The following CDH1 variants were observed in gnomAD, a reference collection of about 807,000 sequenced individuals.
The protein encoded by CDH1 is cadherin-1.
CDH1 carries 35 observed loss-of-function variants against 84.5 expected under a neutral mutation model. The observed-to-expected ratio is 0.41, with a 90% CI of 0.32 to 0.55. The LOEUF (loss-of-function observed/expected upper bound fraction) is 0.55, where lower values mean the gene tolerates loss of function less well. CDH1 is among the 20% of genes least tolerant of loss of function. The pLI is 0.19. For synonymous variants in CDH1, 417 were observed against 439.0 expected (o/e 0.95, Z 0.63); for missense variants, 994 against 1,126.6 (o/e 0.88, Z 1.68).
At chr16:68,819,064 C>G (rs749579032) in intron 10 of CDH1, among the ~76,000 whole-genome samples, 25 of 152,056 alleles carry the variant, frequency 1.6e-4, no homozygotes, top group Non-Finnish European at 2.5e-4. Flanking sequence ...CCATGTTGAC[C>G]AGGCTGGTCT....
intron 12 of CDH1, chr16:68,822,589 C>A: frequency 2.1e-6 from 1 of 485,524 alleles, no homozygotes; most frequent in Non-Finnish European, 4.0e-6. Context: ...CAATCGTGAG[C>A]TCCCAGATTC....
At chr16:68,829,003 G>A (rs776058428) in intron 14 of CDH1, among the ~76,000 whole-genome samples, 3 of 152,246 alleles carry the variant, frequency 2.0e-5, no homozygotes, top group East Asian at 1.9e-4. Context: ...GGGATACCAC[G>A]TATATTGTAT....
chr16:68,745,339 T>A (rs1358074318), intron 2 of CDH1, among the ~76,000 whole-genome samples: 1 of 150,774 alleles, frequency 6.6e-6, no homozygotes, highest in Non-Finnish European at 1.5e-5. Flanking sequence ...AAAAAAAATT[T>A]AGCCAGGTAT....
intron 2 of CDH1, among the ~76,000 whole-genome samples, chr16:68,745,619 A>ATGTGTG (rs1962718029): frequency 1.4e-5 from 2 of 143,484 alleles, no homozygotes; most frequent in Non-Finnish European, 3.0e-5. Context: ...GTATATATAT[A>ATGTGTG]TATATATGTA....
intron 12 of CDH1, chr16:68,822,620 G>A (rs1961188617): frequency 4.6e-6 from 2 of 434,626 alleles, no homozygotes; most frequent in Non-Finnish European, 8.8e-6. Context: ...TTCTACCGAG[G>A]TGGAGGCAGC....
At chr16:68,739,634 G>A (rs1323282307) in intron 2 of CDH1, among the ~76,000 whole-genome samples, 1 of 89,074 alleles carries the variant, frequency 1.1e-5, no homozygotes, top group Non-Finnish European at 2.1e-5. Flanking sequence ...TTTTTTTTGA[G>A]ATGGAGTTTT....
At chr16:68,797,541 A>G (rs568584934) in intron 2 of CDH1, among the ~76,000 whole-genome samples, 2 of 152,192 alleles carry the variant, frequency 1.3e-5, no homozygotes, top group East Asian at 3.9e-4. Context: ...TTAGCCAGGC[A>G]TGGTGGCATG....
intron 2 of CDH1, among the ~76,000 whole-genome samples, chr16:68,757,647 G>T (rs969446655): frequency 2.0e-5 from 3 of 152,148 alleles, no homozygotes; most frequent in African/African-American, 7.2e-5. Context: ...TGAACTGGGA[G>T]GGTGGAATGC....
In CDH1 at chr16:68,815,640, A is replaced by T. The variant is rs863224724; in HGVS notation, c.1446A>T (p.Glu482Asp). The stretch of plus-strand genomic sequence containing the variant: ...CCGTGGATGTGCTGGATGTGAATGA[A>T]GCCCCCATCTTTGTGCCTCCTGAAA... ...TVTVDVLDVN[E>D]APIFVPPEKR... The change falls in exon 10 of 16, where the codon GAA becomes GAT. Residue 482 changes from glutamate (E) to aspartate (D), a missense_variant. By Grantham distance (45) the Glu-to-Asp change is conservative (BLOSUM62 2). Coordinates refer to ENST00000261769, the MANE Select transcript of CDH1 (RefSeq NM_004360.5). 2.5e-6 allele frequency: 4 copies of T among 1,614,080 alleles called. No homozygotes were observed. Among genetic ancestry groups the T allele is most frequent in the Non-Finnish European group, 3.4e-6 (4 of 1,180,044 alleles).
chr16:68,810,838 C>G (rs1960801479), intron 6 of CDH1, among the ~76,000 whole-genome samples: 1 of 151,606 alleles, frequency 6.6e-6, no homozygotes, highest in Non-Finnish European at 1.5e-5. Flanking sequence ...TGCACTCCAG[C>G]CTGGGTGACA....
At chr16:68,738,502 G>A in intron 2 of CDH1, 91 bp downstream of exon 2, 2 of 810,356 alleles carry the variant, frequency 2.5e-6, no homozygotes, top group Non-Finnish European at 1.9e-6. Context: ...GGGTTGCAAT[G>A]GGCAAGCTCC....
intron 13 of CDH1, among the ~76,000 whole-genome samples, chr16:68,826,362 G>T (rs1280101857): frequency 2.0e-5 from 3 of 151,392 alleles, no homozygotes; most frequent in Non-Finnish European, 2.9e-5. Flanking sequence ...ACTCACATTG[G>T]TCTCAAACTC....
chr16:68,794,308 T>C (rs1466797722), intron 2 of CDH1, among the ~76,000 whole-genome samples: 1 of 151,984 alleles, frequency 6.6e-6, no homozygotes, highest in African/African-American at 2.4e-5. Context: ...CCCGAAGTGT[T>C]GGGTTACAGG....
At chr16:68,824,052 C>G (rs1485204585) in intron 13 of CDH1, among the ~76,000 whole-genome samples, 1 of 135,074 alleles carries the variant, frequency 7.4e-6, no homozygotes, top group African/African-American at 2.9e-5. Flanking sequence ...GGCTGGAGTG[C>G]AATGGTGTGA....
chr16:68,747,031 G>T (rs1177975474), intron 2 of CDH1, among the ~76,000 whole-genome samples: 2 of 152,138 alleles, frequency 1.3e-5, no homozygotes, highest in Non-Finnish European at 2.9e-5. Context: ...GTGCACCCAG[G>T]CCTAAGACTC....
chr16:68,782,966 T>C (rs2152122260), intron 2 of CDH1, among the ~76,000 whole-genome samples: 1 of 152,322 alleles, frequency 6.6e-6, no homozygotes, highest in East Asian at 1.9e-4. Context: ...AAGGACTATA[T>C]AGTCTCCCAT....
chr16:68,793,587 C>G (rs1202726826), intron 2 of CDH1, among the ~76,000 whole-genome samples: 1 of 152,098 alleles, frequency 6.6e-6, no homozygotes, highest in Non-Finnish European at 1.5e-5. Context: ...TCTCTGTTTC[C>G]CCATTTATAG....
At chr16:68,806,213 A>G (rs761822366) in intron 3 of CDH1, among the ~76,000 whole-genome samples, 1 of 151,546 alleles carries the variant, frequency 6.6e-6, no homozygotes, top group African/African-American at 2.4e-5. Flanking sequence ...GTGCAGTGGC[A>G]TGATCTCAGC....
intron 3 of CDH1, among the ~76,000 whole-genome samples, chr16:68,806,672 T>C (rs1249851777): frequency 6.6e-6 from 1 of 152,194 alleles, no homozygotes; most frequent in Non-Finnish European, 1.5e-5. Context: ...GGTTCTAATA[T>C]TATCCCCATT....
Sources: gnomAD v4.1 joint callset for allele counts (sites outside exome capture counted in the v4.1 genomes callset) on GRCh38, gnomAD v4.1.1 for gene constraint, MANE v1.5 for transcripts, NCBI Gene and HGNC (gene_info 2026-07-23, HGNC 2026-07-21) for gene names.